Variants in ZNF706 observed in about 807,000 individuals in gnomAD.
ZNF706 encodes zinc finger protein 706.
In ZNF706, 4 loss-of-function variants were observed where a neutral mutation model predicts 9.2. The ratio of observed to expected loss-of-function variants is 0.43; its 90% CI spans 0.21 to 0.99. ZNF706 has a LOEUF of 0.99. Among genes scored for constraint, ZNF706 ranks in the 50% least tolerant of loss-of-function variants. ZNF706 has a pLI of 0.26. For missense variants in ZNF706, 27 were observed against 87.8 expected (o/e 0.31, Z 2.77); for synonymous variants, 28 against 27.3 (o/e 1.03, Z -0.08).
At chr8:101,203,904 A>C (rs1475098383) in intron 1 of ZNF706, 1 of 152,188 alleles carries the variant, frequency 6.6e-6, no homozygotes, top group Non-Finnish European at 1.5e-5. Context: ...ATTCCCATGG[A>C]AACAGGTTTG....
chr8:101,204,568 TCTACAAAATCGTAGGCAG>T, intron 1 of ZNF706: 1 of 960,480 alleles, frequency 1.0e-6, no homozygotes. Flanking sequence ...AACACAATTT[TCTACAAAATCGTAGGCAG>T]CTACAACCGC....
intron 3 of ZNF706, 110 bp from the exon 4 acceptor site, chr8:101,199,349 T>C (rs900717687): frequency 2.0e-5 from 13 of 650,524 alleles, no homozygotes; most frequent in Non-Finnish European, 3.6e-5. Flanking sequence ...TCTGGTAAAC[T>C]TGTCAACTCG....
rs543085017 is a variant in ZNF706, at chr8:101,205,596, G to A, written c.-164C>T. On this transcript the variant is annotated 5_prime_UTR_variant, in exon 1 of 4. Transcript: ENST00000311212. The surrounding 1 kb of genome is among the most constrained non-coding windows in gnomAD (Gnocchi z 6.6). Reference sequence around the variant, plus strand: ...AGCCGGGAGCACAACAGCCTCGCACGCCCGCCGCCGCCGCGCGCCCGCCGC... The same window carrying A: ...AGCCGGGAGCACAACAGCCTCGCACACCCGCCGCCGCCGCGCGCCCGCCGC... The A allele has an allele frequency of 1.4e-5, 2 of 144,916 alleles. No homozygotes were observed. Among genetic ancestry groups the A allele is most frequent in the Non-Finnish European group, 3.1e-5 (2 of 63,596 alleles). 9.0% of individuals were successfully genotyped at this position (144,916 alleles called of 1,614,324 possible).
chr8:101,204,673 C>CAA (rs1463470412), intron 1 of ZNF706: 2 of 985,454 alleles, frequency 2.0e-6, no homozygotes, highest in East Asian at 1.1e-4. Flanking sequence ...ATGCAACTCT[C>CAA]AGTGTGGTTT....
intron 1 of ZNF706, chr8:101,204,974 C>T: frequency 2.0e-6 from 2 of 983,396 alleles, no homozygotes; most frequent in Middle Eastern, 5.2e-4. Flanking sequence ...AACACTTCTC[C>T]GACCCCAGCT....
intron 3 of ZNF706, 82 bp downstream of exon 3, chr8:101,199,908 T>G (rs1332152120): frequency 1.1e-6 from 1 of 924,232 alleles, no homozygotes; most frequent in African/African-American, 1.7e-5. Context: ...AGGCAGAAAT[T>G]AATTTCACAA....
At position 101,197,885 on chromosome 8, in the gene ZNF706, A is replaced by AAG. The variant is rs1349203901; in HGVS notation, c.*1365_*1366dup. 1 of 152,232 alleles carries AAG rather than the reference A, an allele frequency of 6.6e-6. No individual in the cohort carries two copies. Among genetic ancestry groups the AAG allele is most frequent in the Non-Finnish European group, 1.5e-5 (1 of 68,038 alleles). The allele number at this position is 152,232 out of a possible 1,614,324, so 9.4% of individuals were successfully genotyped here. ...GCAAAATATGCAGAGCTACAAAACA[A>AAG]AGCAATGATAAGCTACAGCAGAAGA... On this transcript the variant is annotated 3_prime_UTR_variant, in exon 4 of 4. Transcript: ENST00000311212.
upstream of ZNF706, chr8:101,205,832 G>C (rs1279502479): frequency 2.0e-5 from 3 of 152,230 alleles, no homozygotes; most frequent in African/African-American, 4.8e-5. This position sits in a 1 kb window ranked among gnomAD's most constrained non-coding sequence, Gnocchi z 6.6. Context: ...GCGCGAGGGG[G>C]CGGGCCCTGG....
chr8:101,199,324 ACTATGAAGATAATAT>A (rs780210719), intron 3 of ZNF706, 85 bp from the exon 4 acceptor site: 3 of 690,058 alleles, frequency 4.3e-6, no homozygotes, highest in African/African-American at 1.8e-5. Flanking sequence ...AAGAAGAAAC[ACTATGAAGATAATAT>A]CTGGTAAACT....
At position 101,198,697 on chromosome 8, in the gene ZNF706, C is replaced by T. The variant is rs1276718353; in HGVS notation, c.*555G>A. On this transcript the variant is annotated 3_prime_UTR_variant, in exon 4 of 4. Coordinates refer to ENST00000311212, the MANE Select transcript of ZNF706 (RefSeq NM_016096.5). ...TCAGAGGGGTACAATGACACATAAC[C>T]GCAATATACTAAGGCAGCAGATAAG... is the stretch of plus-strand genomic sequence containing the variant. The T allele has an allele frequency of 6.6e-6, 1 of 152,380 alleles. No homozygotes were observed. Among genetic ancestry groups the T allele is most frequent in the African/African-American group, 2.4e-5 (1 of 41,386 alleles). The allele number at this position is 152,380 out of a possible 1,614,324, so 9.4% of individuals were successfully genotyped here.
In ZNF706 at chr8:101,201,581, G is replaced by A. The variant is rs1002491107; in HGVS notation, c.135+26C>T. On this transcript the variant is annotated intron_variant, in intron 2 of 3. Transcript: ENST00000311212. This position sits in a 1 kb window ranked among gnomAD's most constrained non-coding sequence, Gnocchi z 4.5. ...AGCCAAAACTGCCCACGGGAGAGCT[G>A]TATCTTTCAATTCAATTCCCCTTAC... 1.9e-6 allele frequency: 3 copies of A among 1,604,800 alleles called. No individual in the cohort carries two copies. The highest frequency in any genetic ancestry group is 2.6e-6 in the Non-Finnish European group (3 of 1,176,422).
upstream of ZNF706, chr8:101,205,913 G>C (rs891258770): frequency 3.3e-5 from 5 of 152,350 alleles, no homozygotes; most frequent in African/African-American, 1.2e-4. The surrounding 1 kb of genome is among the most constrained non-coding windows in gnomAD (Gnocchi z 6.6). Context: ...CTCGGTCCGG[G>C]CGGCTTCTTC....
At chr8:101,199,884 A>G (rs573613018) in intron 3 of ZNF706, 106 bp downstream of exon 3, 1 of 762,984 alleles carries the variant, frequency 1.3e-6, no homozygotes, top group Non-Finnish European at 2.1e-6. Context: ...AAGGGGAAGC[A>G]ATAAAATCTC....
intron 1 of ZNF706, chr8:101,203,130 T>C (rs1322485101): frequency 6.6e-6 from 1 of 152,162 alleles, no homozygotes; most frequent in Non-Finnish European, 1.5e-5. Flanking sequence ...GATACCACTT[T>C]TTGTTACCGA....
chr8:101,198,936 T>C lies in ZNF706; in HGVS notation c.*316A>G, dbSNP rs1810460567. ...ATTTCTAAAACCATTTATCCTGTGATGTCGTAAATCAAAGTACTATTTTAT... is the reference window on the plus strand; with the variant it reads ...ATTTCTAAAACCATTTATCCTGTGACGTCGTAAATCAAAGTACTATTTTAT... On this transcript the variant is annotated 3_prime_UTR_variant, in exon 4 of 4. Coordinates refer to ENST00000311212, the MANE Select transcript of ZNF706 (RefSeq NM_016096.5). The C allele has an allele frequency of 2.3e-5, 7 of 303,796 alleles. No individual in the cohort carries two copies. The Admixed American group carries it at 3.4e-4, about 15-fold the overall frequency. The allele number at this position is 303,796 out of a possible 1,614,324, so 18.8% of individuals were successfully genotyped here.
At chr8:101,200,560 C>A (rs1810521286) in intron 2 of ZNF706, among the ~76,000 whole-genome samples, 1 of 152,254 alleles carries the variant, frequency 6.6e-6, no homozygotes, top group Admixed American at 6.5e-5. Flanking sequence ...CAAGAACCTT[C>A]AATTATTTAT....
chr8:101,201,346 G>T lies in ZNF706; in HGVS notation c.135+261C>A. On this transcript the variant is annotated intron_variant, in intron 2 of 3. Transcript: ENST00000311212. This position sits in a 1 kb window ranked among gnomAD's most constrained non-coding sequence, Gnocchi z 4.5. Reference sequence around the variant, plus strand: ...GAAGTGTATTATATGCCCTTATGAAGACATCTTTATTTTATATGAGGAAAG... The same window carrying T: ...GAAGTGTATTATATGCCCTTATGAATACATCTTTATTTTATATGAGGAAAG... The T allele has an allele frequency of 2.3e-6, 1 of 432,378 alleles. No individual in the cohort carries two copies. 26.8% of individuals were successfully genotyped at this position (432,378 alleles called of 1,614,324 possible).
At position 101,199,994 on chromosome 8, in the gene ZNF706, A is replaced by G. The variant is rs377732715; in HGVS notation, c.*8T>C. 3.7e-6 allele frequency: 6 copies of G among 1,609,594 alleles called. No individual in the cohort carries two copies. In the African/African-American group the frequency reaches 5.3e-5, roughly 14 times the overall value. ...ATAGAAAAAGAGGTGAGTTACCTGT[A>G]AACAACCTTATGCCTGAACATCAGC... On this transcript the variant is annotated 3_prime_UTR_variant, in exon 3 of 4. Transcript: ENST00000311212.
At position 101,197,631 on chromosome 8, in the gene ZNF706, T is replaced by C. The variant is rs1185462096; in HGVS notation, c.*1621A>G. The stretch of plus-strand genomic sequence containing the variant: ...ACTTTTAAAAACTTTTAAGTTGTGA[T>C]TTAACCAGAACTTCTGCAATATCCA... On this transcript the variant is annotated 3_prime_UTR_variant, in exon 4 of 4. Coordinates refer to ENST00000311212, the MANE Select transcript of ZNF706 (RefSeq NM_016096.5). 1 of 152,194 alleles carries C rather than the reference T, an allele frequency of 6.6e-6. No individual in the cohort carries two copies. Among genetic ancestry groups the C allele is most frequent in the Non-Finnish European group, 1.5e-5 (1 of 68,038 alleles). The allele number at this position is 152,194 out of a possible 1,614,324, so 9.4% of individuals were successfully genotyped here.
Sources: allele counts gnomAD v4.1 joint callset (sites outside exome capture counted in the v4.1 genomes callset), GRCh38; gene constraint gnomAD v4.1.1; non-coding constraint Gnocchi (gnomAD v3.1); transcripts MANE v1.5; gene names NCBI Gene and HGNC (gene_info 2026-07-23, HGNC 2026-07-21).